NBAS: variants seen among roughly 807,000 people sequenced by gnomAD.
NBAS encodes the protein NAG/BC035112 fusion.
NBAS carries 219 observed loss-of-function variants against 302.5 expected under a neutral mutation model. That is an observed-to-expected ratio of 0.72 (90% CI 0.65 to 0.81). The LOEUF is 0.81. Among genes scored for constraint, NBAS ranks in the 30% least tolerant of loss-of-function variants. NBAS has a pLI of 0.00. For missense variants in NBAS, 2,932 were observed against 2,841.6 expected (o/e 1.03, Z -0.72); for synonymous variants, 1,118 against 1,021.6 (o/e 1.09, Z -1.80).
chr2:15,396,571 C>T, intron 26 of NBAS, 96 bp from the exon 27 acceptor site: 1 of 770,324 alleles, frequency 1.3e-6, no homozygotes, highest in Non-Finnish European at 2.1e-6. Context: ...AAAGATGTTT[C>T]TTTTATATGT....
intron 47 of NBAS, among the ~76,000 whole-genome samples, 182 bp downstream of exon 47, chr2:15,232,240 A>G (rs2147927387): frequency 6.6e-6 from 1 of 152,290 alleles, no homozygotes; most frequent in South Asian, 2.1e-4. Context: ...GGCAAGCAGG[A>G]CCTGGAGCTG....
rs1666177573 is a variant in NBAS at position 15,206,980 on chromosome 2, T to C, written c.6432+11793A>G. On this transcript the variant is annotated intron_variant, in intron 48 of 51. Transcript: ENST00000281513. ...GTCACCACTGGGGCACTGCCTCTAG[T>C]GGAGCTTTGAGAAGAGGGTCACCAT... 1.1e-4 allele frequency among the ~76,000 whole-genome samples: 16 copies of C among 152,258 alleles called. No homozygotes were observed. The South Asian group carries it at 2.9e-3, about 28-fold the overall frequency.
At chr2:15,284,541 C>T (rs1361407778) in intron 42 of NBAS, among the ~76,000 whole-genome samples, 1 of 152,158 alleles carries the variant, frequency 6.6e-6, no homozygotes, top group African/African-American at 2.4e-5. Context: ...CAAAATCAAC[C>T]AGGATGAAGG....
rs150334759 is a variant in NBAS, at chr2:15,531,236, G to T, written c.746+3307C>A. 1.4e-3 allele frequency among the ~76,000 whole-genome samples: 212 copies of T among 152,206 alleles called. 1 individual carries two copies. The highest frequency in any genetic ancestry group is 3.4e-3 in the Middle Eastern group (1 of 294). The stretch of plus-strand genomic sequence containing the variant: ...CAAGAAAGAAAAAAACAAATCTAAG[G>T]AACAGGTCACGCAACCAAAGAGAAA... On this transcript the variant is annotated intron_variant, in intron 9 of 51. Coordinates refer to ENST00000281513, the MANE Select transcript of NBAS (RefSeq NM_015909.4).
chr2:15,083,402 A>T, the NBAS span, among the ~76,000 whole-genome samples: 1 of 152,110 alleles, frequency 6.6e-6, no homozygotes, highest in Non-Finnish European at 1.5e-5. Context: ...TAAAACTTGG[A>T]TTTTCTTTCT....
chr2:15,190,388 T>C lies in NBAS; in HGVS notation c.6448A>G (p.Ile2150Val), dbSNP rs1446111087. The C allele has an allele frequency of 5.0e-6, 8 of 1,613,832 alleles. No individual in the cohort carries two copies. Among genetic ancestry groups the C allele is most frequent in the Non-Finnish European group, 6.8e-6 (8 of 1,179,900 alleles). The change falls in exon 49 of 52, where the codon ATT becomes GTT. Residue 2150 changes from isoleucine (I) to valine (V), a missense_variant. Physicochemically the swap from Ile to Val is conservative, Grantham distance 29. Transcript: ENST00000281513. ...CAGTAGCGGTTCTCTTCATTCTCAATGTCAGCTATGTCTACCTGGAAGAAG... is the reference window on the plus strand; with the variant it reads ...CAGTAGCGGTTCTCTTCATTCTCAACGTCAGCTATGTCTACCTGGAAGAAG... ...WPQRQVDIAD[I>V]ENEENRYCLF...
rs905445887 is a variant in NBAS, at chr2:15,469,594, C to T, written c.1726-1061G>A. Among the ~76,000 whole-genome samples, 3 of 152,166 alleles carry T rather than the reference C, an allele frequency of 2.0e-5. No individual in the cohort carries two copies. The South Asian group carries it at 6.2e-4, about 32-fold the overall frequency. ...AAAGACTTGGAACCAACCCAAATGT[C>T]CATCAATGATAGACTGGATTAAGAA... On this transcript the variant is annotated intron_variant, in intron 16 of 51. Transcript: ENST00000281513.
intron 28 of NBAS, among the ~76,000 whole-genome samples, chr2:15,387,163 G>A (rs1034962801): frequency 6.6e-6 from 1 of 151,646 alleles, no homozygotes; most frequent in African/African-American, 2.4e-5. Context: ...TGCCTCCCGG[G>A]TTCACGCCAT....
Position 15,559,062 on chromosome 2 carries a change from C to CAAAAAA in NBAS, c.118-434_118-429dup, listed in dbSNP as rs70961421. On this transcript the variant is annotated intron_variant, in intron 1 of 51. Coordinates refer to ENST00000281513, the MANE Select transcript of NBAS (RefSeq NM_015909.4). The stretch of plus-strand genomic sequence containing the variant: ...TGGGTGACAGAGTGAGACCCTGCCT[C>CAAAAAA]AAAAAAAAAAAAAAAAAAAAAAAAA... 6.6e-3 allele frequency among the ~76,000 whole-genome samples: 334 copies of CAAAAAA among 50,410 alleles called. 70 individuals are homozygous for CAAAAAA. Among genetic ancestry groups the CAAAAAA allele is most frequent in the Non-Finnish European group, 8.0e-3 (227 of 28,326 alleles). The allele number at this position is 50,410 out of a possible 152,430, so 33.1% of individuals were successfully genotyped here.
chr2:14,855,621 G>T, the NBAS span, among the ~76,000 whole-genome samples: 53 of 152,160 alleles, frequency 3.5e-4, no homozygotes, highest in African/African-American at 1.3e-3. Context: ...GAATATTGGT[G>T]GTAGTCTAGC....
chr2:15,313,765 C>T (rs1461762830), intron 38 of NBAS, among the ~76,000 whole-genome samples: 1 of 152,152 alleles, frequency 6.6e-6, no homozygotes, highest in South Asian at 2.1e-4. Context: ...CTAGGGACTT[C>T]TTGACATCTG....
chr2:15,122,136 T>TG, the NBAS span, among the ~76,000 whole-genome samples: 35 of 149,482 alleles, frequency 2.3e-4, no homozygotes, highest in African/African-American at 7.8e-4. Context: ...GTTAGCCTGT[T>TG]TTTTTTTTTT....
At chr2:15,324,651 C>A (rs955826117) in intron 38 of NBAS, among the ~76,000 whole-genome samples, 1 of 152,150 alleles carries the variant, frequency 6.6e-6, no homozygotes, top group Non-Finnish European at 1.5e-5. Context: ...CTTTTATAAG[C>A]CCGTTGAAGG....
At chr2:15,124,183 G>A in the NBAS span, among the ~76,000 whole-genome samples, 2 of 152,182 alleles carry the variant, frequency 1.3e-5, no homozygotes, top group Admixed American at 1.3e-4. Context: ...CTTTGTGGAA[G>A]TCTGAACTTG....
chr2:14,879,017 T>C, the NBAS span, among the ~76,000 whole-genome samples: 3 of 152,214 alleles, frequency 2.0e-5, no homozygotes, highest in Non-Finnish European at 4.4e-5. Flanking sequence ...TCCATAGTTT[T>C]CACTTTTCCA....
At chr2:14,833,321 T>C in the NBAS span, among the ~76,000 whole-genome samples, 1,092 of 151,972 alleles carry the variant, frequency 7.2e-3, 12 homozygotes, top group African/African-American at 0.025. Flanking sequence ...GGTTGGGGGG[T>C]TCCAAGTTAC....
At chr2:14,966,590 A>G in the NBAS span, among the ~76,000 whole-genome samples, 3 of 152,154 alleles carry the variant, frequency 2.0e-5, no homozygotes, top group East Asian at 5.8e-4. Flanking sequence ...AAGTGAACCC[A>G]CACACTTCAA....
intron 21 of NBAS, among the ~76,000 whole-genome samples, chr2:15,438,889 T>A (rs1229885936): frequency 6.6e-6 from 1 of 152,052 alleles, no homozygotes; most frequent in East Asian, 1.9e-4. Flanking sequence ...AGAAAGAACA[T>A]CCCTGGACCT....
intron 25 of NBAS, among the ~76,000 whole-genome samples, chr2:15,411,664 T>C (rs1676692287): frequency 6.6e-6 from 1 of 152,234 alleles, no homozygotes; most frequent in Non-Finnish European, 1.5e-5. Flanking sequence ...AAAGCTATGA[T>C]ACCTAGTAAA....
Sources: gnomAD v4.1 joint callset for allele counts (sites outside exome capture counted in the v4.1 genomes callset) on GRCh38, gnomAD v4.1.1 for gene constraint, MANE v1.5 for transcripts, NCBI Gene and HGNC (gene_info 2026-07-23, HGNC 2026-07-21) for gene names.